The following DOCK3 variants were observed in gnomAD, a reference collection of about 807,000 sequenced individuals.
The protein encoded by DOCK3 is dedicator of cytokinesis 3, also known as dedicator of cytokinesis protein 3.
DOCK3 carries 60 observed loss-of-function variants against 265.6 expected under a neutral mutation model. The observed-to-expected ratio is 0.23, with a 90% CI of 0.18 to 0.28. The LOEUF (loss-of-function observed/expected upper bound fraction) is 0.28. Among genes scored for constraint, DOCK3 ranks in the 10% least tolerant of loss-of-function variants. DOCK3 has a pLI of 1.00. For synonymous variants in DOCK3, 881 were observed against 938.0 expected, an observed-to-expected ratio of 0.94 and a Z score of 1.11; for missense variants, 1,981 against 2,594.3, an observed-to-expected ratio of 0.76 and a Z score of 5.14.
chr3:50,895,249 T>A (rs1397098948), intron 4 of DOCK3, among the ~76,000 whole-genome samples: 1 of 151,276 alleles, frequency 6.6e-6, no homozygotes, highest in African/African-American at 2.4e-5. Context: ...CTTTTTTTCC[T>A]TCAACTTTAA....
At position 51,188,625 on chromosome 3, in the gene DOCK3, T is replaced by C. The variant is rs60866608; in HGVS notation, c.1038-20149T>C. Among the ~76,000 whole-genome samples the C allele has an allele frequency of 6.2e-3, 949 of 152,314 alleles. 12 individuals are homozygous for C. The highest frequency in any genetic ancestry group is 0.022 in the African/African-American group (912 of 41,570). Reference sequence around the variant, plus strand: ...CTTCCCAGCTTCTGTTATTTATCTTTCCATTCACTACATGCATGTGATCAA... The same window carrying C: ...CTTCCCAGCTTCTGTTATTTATCTTCCCATTCACTACATGCATGTGATCAA... On this transcript the variant is annotated intron_variant, in intron 12 of 52. Coordinates refer to ENST00000266037, the MANE Select transcript of DOCK3 (RefSeq NM_004947.5).
intron 30 of DOCK3, 100 bp from the exon 31 acceptor site, chr3:51,312,744 T>G (rs2083155589): frequency 7.4e-7 from 1 of 1,358,766 alleles, no homozygotes; most frequent in African/African-American, 1.4e-5. Flanking sequence ...TGGGAAGCAT[T>G]AGAAACAAAC....
chr3:50,922,759 T>C (rs894005188), intron 4 of DOCK3, among the ~76,000 whole-genome samples: 1 of 152,000 alleles, frequency 6.6e-6, no homozygotes, highest in Admixed American at 6.6e-5. Flanking sequence ...TTTAGTCTTT[T>C]TTTTTTTTTT....
intron 5 of DOCK3, among the ~76,000 whole-genome samples, chr3:50,980,636 A>G (rs1209597987): frequency 6.6e-6 from 1 of 152,030 alleles, no homozygotes; most frequent in East Asian, 1.9e-4. Flanking sequence ...CAGTCTTATT[A>G]CTTGTTACTG....
Position 51,034,998 on chromosome 3 carries a change from C to A in DOCK3, c.316-29450C>A, listed in dbSNP as rs996625748. Among the ~76,000 whole-genome samples, 40 of 151,850 alleles carry A rather than the reference C, an allele frequency of 2.6e-4. 3 individuals are homozygous for A. The highest frequency in any genetic ancestry group is 1.5e-5 in the Non-Finnish European group (1 of 67,908). The stretch of plus-strand genomic sequence containing the variant: ...TTGTTTTCCTCTGACTTTTTAAGAT[C>A]TTTATTTTTTTATATTTAGTAGTTT... On this transcript the variant is annotated intron_variant, in intron 5 of 52. Transcript: ENST00000266037.
intron 3 of DOCK3, among the ~76,000 whole-genome samples, chr3:50,865,342 G>C (rs534815100): frequency 2.0e-4 from 31 of 152,086 alleles, no homozygotes; most frequent in African/African-American, 6.7e-4. Context: ...TCTACTCTCT[G>C]TCTCCATGAG....
intron 5 of DOCK3, among the ~76,000 whole-genome samples, chr3:51,061,337 A>C (rs374367092): frequency 2.0e-5 from 3 of 152,224 alleles, no homozygotes; most frequent in Non-Finnish European, 4.4e-5. Flanking sequence ...GATAGACTGG[A>C]TTAAGAAAAT....
chr3:50,894,770 C>G (rs1175982162), intron 4 of DOCK3, among the ~76,000 whole-genome samples: 3 of 151,878 alleles, frequency 2.0e-5, no homozygotes, highest in African/African-American at 7.3e-5. Context: ...TTACAGCATG[C>G]AAATCTTTTA....
intron 5 of DOCK3, among the ~76,000 whole-genome samples, chr3:51,019,877 T>C (rs1463592576): frequency 1.3e-5 from 2 of 151,972 alleles, no homozygotes; most frequent in African/African-American, 4.9e-5. Context: ...CAGTCTATCA[T>C]TGATGGGCAT....
intron 9 of DOCK3, among the ~76,000 whole-genome samples, chr3:51,099,741 A>G (rs2083008173): frequency 6.6e-6 from 1 of 152,244 alleles, no homozygotes; most frequent in Admixed American, 6.5e-5. Context: ...CATGAAGCTT[A>G]CATAGTAGGG....
intron 12 of DOCK3, among the ~76,000 whole-genome samples, chr3:51,186,446 C>T (rs1159453586): frequency 1.3e-5 from 2 of 152,116 alleles, no homozygotes; most frequent in Admixed American, 1.3e-4. Flanking sequence ...AATTCGCAGC[C>T]TAACAATGCA....
chr3:51,250,285 AAT>A lies in DOCK3; in HGVS notation c.2184+3479_2184+3480del, dbSNP rs1456926183. ...AATGATCAATAAAAAAAAAAAAAAAAATTAAAAAAAATAATAAAAAATAAAAA... is the reference window on the plus strand; with the variant it reads ...AATGATCAATAAAAAAAAAAAAAAAATAAAAAAAATAATAAAAAATAAAAA... On this transcript the variant is annotated intron_variant, in intron 22 of 52. Transcript: ENST00000266037. Among the ~76,000 whole-genome samples the A allele has an allele frequency of 3.2e-4, 13 of 40,600 alleles. No homozygotes were observed. The East Asian group carries it at 4.6e-3, about 14-fold the overall frequency. The allele number at this position is 40,600 out of a possible 152,430, so 26.6% of individuals were successfully genotyped here.
intron 5 of DOCK3, among the ~76,000 whole-genome samples, chr3:51,027,290 T>C (rs1222397524): frequency 6.6e-6 from 1 of 152,180 alleles, no homozygotes; most frequent in African/African-American, 2.4e-5. Flanking sequence ...TTTCTAATTT[T>C]ATTCAACTGT....
At chr3:51,080,588 G>A (rs1308908856) in intron 7 of DOCK3, among the ~76,000 whole-genome samples, 2 of 152,166 alleles carry the variant, frequency 1.3e-5, no homozygotes, top group Non-Finnish European at 2.9e-5. Context: ...CATGTGGTAT[G>A]CTTTCAGACT....
intron 6 of DOCK3, among the ~76,000 whole-genome samples, chr3:51,065,739 A>T (rs2081568616): frequency 6.6e-6 from 1 of 152,194 alleles, no homozygotes; most frequent in Admixed American, 6.5e-5. Flanking sequence ...TAATGAGCAG[A>T]TTGCTCCCGC....
intron 2 of DOCK3, among the ~76,000 whole-genome samples, chr3:50,805,349 G>A (rs1559662538): frequency 6.6e-6 from 1 of 152,114 alleles, no homozygotes; most frequent in Non-Finnish European, 1.5e-5. Context: ...TGCTGGGGCT[G>A]TTTCTCTGGG....
intron 2 of DOCK3, among the ~76,000 whole-genome samples, chr3:50,806,927 AAGGACTGT>A (rs2043456739): frequency 6.6e-6 from 1 of 152,046 alleles, no homozygotes; most frequent in African/African-American, 2.4e-5. Flanking sequence ...CAGGGGGTGT[AAGGACTGT>A]AGGCCTTTGC....
intron 5 of DOCK3, among the ~76,000 whole-genome samples, chr3:51,044,372 T>C (rs992069601): frequency 6.6e-6 from 1 of 152,080 alleles, no homozygotes; most frequent in Non-Finnish European, 1.5e-5. Flanking sequence ...AAGTGGAAGC[T>C]AAATGATGAG....
chr3:51,374,434 G>GT lies in DOCK3; in HGVS notation c.5294-34dup. ...CTGCTGGACCCTCCATCTGTGGCTTGTCATCTGTGCTTGATTGTTCTCACT... is the reference window on the plus strand; with the variant it reads ...CTGCTGGACCCTCCATCTGTGGCTTGTTCATCTGTGCTTGATTGTTCTCACT... On this transcript the variant is annotated intron_variant, in intron 49 of 52. Coordinates refer to ENST00000266037, the MANE Select transcript of DOCK3 (RefSeq NM_004947.5). This position sits in a 1 kb window ranked among gnomAD's most constrained non-coding sequence, Gnocchi z 4.8. 1 of 1,586,836 alleles carries GT rather than the reference G, an allele frequency of 6.3e-7. No individual in the cohort carries two copies. The highest frequency in any genetic ancestry group is 2.3e-5 in the East Asian group (1 of 43,362).
Sources: allele counts gnomAD v4.1 joint callset (sites outside exome capture counted in the v4.1 genomes callset), GRCh38; gene constraint gnomAD v4.1.1; non-coding constraint Gnocchi (gnomAD v3.1); transcripts MANE v1.5; gene names NCBI Gene and HGNC (gene_info 2026-07-23, HGNC 2026-07-21).